Variants in RNASEH2B observed in about 807,000 individuals in gnomAD.
The protein encoded by RNASEH2B is ribonuclease H2 subunit B.
RNASEH2B carries 36 observed loss-of-function variants against 45.0 expected under a neutral mutation model. The observed-to-expected ratio is 0.80, with a 90% confidence interval of 0.61 to 1.06. RNASEH2B has a LOEUF of 1.06. Ranked by LOEUF, RNASEH2B falls within the 50% of genes least tolerant of loss-of-function variation. RNASEH2B has a pLI of 0.00. For missense variants in RNASEH2B, 361 were observed against 360.3 expected, an observed-to-expected ratio of 1.00 and a Z score of -0.02; for synonymous variants, 119 against 125.7, an observed-to-expected ratio of 0.95 and a Z score of 0.35.
intron 2 of RNASEH2B, among the ~76,000 whole-genome samples, chr13:50,928,930 CCCTTTTTTTTT>C (rs1287054630): frequency 7.0e-6 from 1 of 142,444 alleles, no homozygotes; most frequent in African/African-American, 2.6e-5. Flanking sequence ...TGTGCCTCCT[CCCTTTTTTTTT>C]TTTTTTTTTT....
At chr13:50,957,464 G>T (rs1952066891), downstream of RNASEH2B, among the ~76,000 whole-genome samples, 1 of 152,128 alleles carries the variant, frequency 6.6e-6, no homozygotes, top group Non-Finnish European at 1.5e-5. Flanking sequence ...GTATTCCATG[G>T]TGTATATATG....
chr13:50,940,629 T>A (rs1386165498), intron 5 of RNASEH2B, among the ~76,000 whole-genome samples: 1 of 151,786 alleles, frequency 6.6e-6, no homozygotes, highest in Non-Finnish European at 1.5e-5. Context: ...AGGAGAGTGG[T>A]GTAGGAGGAA....
chr13:50,956,694 A>G lies in RNASEH2B; in HGVS notation c.*220A>G. The G allele has an allele frequency of 7.8e-7, 1 of 1,286,108 alleles. No individual in the cohort carries two copies. Among genetic ancestry groups the G allele is most frequent in the Non-Finnish European group, 9.9e-7 (1 of 1,006,806 alleles). 79.7% of individuals were successfully genotyped at this position (1,286,108 alleles called of 1,614,324 possible). ...TTTGGAGTCTCATCTGACATAATGA[A>G]AAGTAATCACTTGAAGAGAATTAAC... On this transcript the variant is annotated 3_prime_UTR_variant, in exon 11 of 11. Coordinates refer to ENST00000336617, the MANE Select transcript of RNASEH2B (RefSeq NM_024570.4).
chr13:50,936,158 A>T (rs1426380581), intron 5 of RNASEH2B: 1 of 152,252 alleles, frequency 6.6e-6, no homozygotes, highest in African/African-American at 2.4e-5. Flanking sequence ...ACTATCATTC[A>T]TTTAATTTTT....
Position 50,965,105 on chromosome 13 carries a change from A to T in RNASEH2B, c.742-4827A>T, listed in dbSNP as rs573978305. ...GTGGTCCCATGAGACTATAACACAGAGCTGAAAAATTCCTATCACCTAGTG... is the reference window on the plus strand; with the variant it reads ...GTGGTCCCATGAGACTATAACACAGTGCTGAAAAATTCCTATCACCTAGTG... On this transcript the variant is annotated intron_variant, in intron 9 of 9. Coordinates refer to the RNASEH2B transcript ENST00000422660. 4.6e-5 allele frequency among the ~76,000 whole-genome samples: 7 copies of T among 152,344 alleles called. No individual in the cohort carries two copies. In the South Asian group the frequency reaches 1.4e-3, roughly 32 times the overall value.
chr13:50,927,258 T>G lies in RNASEH2B; in HGVS notation c.65-149T>G, dbSNP rs535255782. The G allele has an allele frequency of 5.1e-6, 3 of 589,454 alleles. No homozygotes were observed. The Admixed American group carries it at 7.7e-5, about 15-fold the overall frequency. 36.5% of individuals were successfully genotyped at this position (589,454 alleles called of 1,614,324 possible). ...GCAACTTGCAGAGAAATTGGTAATT[T>G]GCTCAAGATCACAACATTTGTAAGT... is the stretch of plus-strand genomic sequence containing the variant. On this transcript the variant is annotated intron_variant, in intron 1 of 10. Coordinates refer to ENST00000336617, the MANE Select transcript of RNASEH2B (RefSeq NM_024570.4).
intron 1 of RNASEH2B, chr13:50,912,201 C>T (rs1471866929): frequency 1.3e-5 from 2 of 152,252 alleles, no homozygotes; most frequent in African/African-American, 4.8e-5. Flanking sequence ...TTCCTTCTGG[C>T]CTTTAGCGCC....
chr13:50,922,658 C>A (rs1418765202), intron 1 of RNASEH2B, among the ~76,000 whole-genome samples: 1 of 152,184 alleles, frequency 6.6e-6, no homozygotes, highest in African/African-American at 2.4e-5. Context: ...CTACAAAAAA[C>A]AGCAATAACA....
intron 9 of RNASEH2B, among the ~76,000 whole-genome samples, chr13:50,962,875 A>G (rs1381578085): frequency 6.6e-6 from 1 of 152,050 alleles, no homozygotes; most frequent in Non-Finnish European, 1.5e-5. Context: ...ATTTTCATCA[A>G]ATATGGAAAA....
At chr13:50,936,050 G>C (rs534397360) in intron 5 of RNASEH2B, 2 of 152,226 alleles carry the variant, frequency 1.3e-5, no homozygotes, top group Non-Finnish European at 2.9e-5. Flanking sequence ...GTGACTTCTC[G>C]GTTTGTGCCT....
chr13:50,912,854 C>G (rs1879503268), intron 1 of RNASEH2B: 1 of 152,206 alleles, frequency 6.6e-6, no homozygotes, highest in Non-Finnish European at 1.5e-5. Context: ...ATCCGTGAGA[C>G]AAGGGTAAAG....
chr13:50,935,333 A>G (rs773061935), intron 5 of RNASEH2B: 1 of 346,230 alleles, frequency 2.9e-6, no homozygotes, highest in Non-Finnish European at 5.5e-6. Context: ...AAAATTACGT[A>G]AAACCTGTAC....
At chr13:50,939,145 G>A (rs995089918) in intron 5 of RNASEH2B, 4 of 152,334 alleles carry the variant, frequency 2.6e-5, no homozygotes, top group Admixed American at 6.5e-5. Context: ...ATGACGTCAG[G>A]AGATCGAAAC....
chr13:50,945,069 T>G (rs984192586), intron 6 of RNASEH2B, among the ~76,000 whole-genome samples: 1 of 152,158 alleles, frequency 6.6e-6, no homozygotes, highest in Non-Finnish European at 1.5e-5. Flanking sequence ...TGAATGCTAT[T>G]TTTTTCCCCC....
rs1363440628 is a variant in RNASEH2B at position 50,934,906 on chromosome 13, C to T, written c.343C>T (p.Gln115Ter). Residue 115 changes from glutamine to a stop codon, truncating the protein, a stop_gained, in exon 5 of 11, where the codon CAA (glutamine) becomes TAA (stop). Coordinates refer to ENST00000336617, the MANE Select transcript of RNASEH2B (RefSeq NM_024570.4). LOFTEE classifies it high-confidence loss of function. ...DKEGKFQPLD[Q>*]VVVDNVFPNC... ...TCAGGGGAAGTTTCAGCCCCTTGAT[C>T]AAGTTGTGGTGGATAACGTGTTTCC... 3 of 1,613,214 alleles carry T rather than the reference C, an allele frequency of 1.9e-6. No individual in the cohort carries two copies. The highest frequency in any genetic ancestry group is 2.5e-6 in the Non-Finnish European group (3 of 1,179,372).
rs2137982984 is a variant in RNASEH2B at position 50,943,394 on chromosome 13, G to A, written c.510G>A (p.Lys170=). Residue 170 remains lysine, a splice_region_variant and synonymous_variant, in exon 6 of 11, where the codon AAG becomes AAA. Coordinates refer to ENST00000336617, the MANE Select transcript of RNASEH2B (RefSeq NM_024570.4). ...AGACATTAAAGTGGCTGGAAAAAAAGGTATAGTTCCTCTCTAGTGCCTTGT... is the reference window on the plus strand; with the variant it reads ...AGACATTAAAGTGGCTGGAAAAAAAAGTATAGTTCCTCTCTAGTGCCTTGT... ...KEKTLKWLEK[K]VNQTVAALKT... is the part of the protein sequence containing the mutation. The A allele has an allele frequency of 6.3e-7, 1 of 1,594,090 alleles. No individual in the cohort carries two copies.
At chr13:50,912,525 C>G (rs930301265) in intron 1 of RNASEH2B, 1 of 152,188 alleles carries the variant, frequency 6.6e-6, no homozygotes, top group Non-Finnish European at 1.5e-5. Context: ...TTTATATGGT[C>G]AAGGAAGTGC....
At chr13:50,960,100 G>T (rs1952096327), downstream of RNASEH2B, 1 of 832,182 alleles carries the variant, frequency 1.2e-6, no homozygotes, top group Non-Finnish European at 1.6e-6. Flanking sequence ...GTATGAGTAT[G>T]TGTAGATATT....
intron 5 of RNASEH2B, among the ~76,000 whole-genome samples, chr13:50,939,538 A>G (rs1951808729): frequency 6.6e-6 from 1 of 152,188 alleles, no homozygotes; most frequent in South Asian, 2.1e-4. Flanking sequence ...AAAAATAAAT[A>G]AAAATAAAAT....
Sources: allele counts gnomAD v4.1 joint callset (sites outside exome capture counted in the v4.1 genomes callset), GRCh38; gene constraint gnomAD v4.1.1; transcripts MANE v1.5; gene names NCBI Gene and HGNC (gene_info 2026-07-23, HGNC 2026-07-21).